The following PNCK variants were observed in gnomAD, a reference collection of about 807,000 sequenced individuals.
PNCK encodes pregnancy up-regulated nonubiquitous CaM kinase.
Under a neutral mutation model 28.3 loss-of-function variants are expected in PNCK, and 21 were observed. The observed-to-expected ratio is 0.74, with a 90% CI of 0.53 to 1.07. PNCK has a LOEUF of 1.07. PNCK is among the 50% of genes least tolerant of loss of function. PNCK has a pLI of 0.00. For synonymous variants in PNCK, 136 were observed against 125.2 expected (o/e 1.09, Z -0.58); for missense variants, 250 against 298.3 (o/e 0.84, Z 1.19).
chrX:153,677,626 ATAGT>A (rs1449452446), upstream of PNCK, among the ~76,000 whole-genome samples: 1 of 97,509 alleles, frequency 1.0e-5, no homozygotes, highest in African/African-American at 3.9e-5. Flanking sequence ...GTGTATATAT[ATAGT>A]GTGTATATAT....
chrX:153,671,404 A>G, intron 6 of PNCK, 44 bp from the exon 7 acceptor site: 5 of 1,211,874 alleles, frequency 4.1e-6, no homozygotes, highest in Non-Finnish European at 5.6e-6. Flanking sequence ...GCACACACGC[A>G]GCCATGCCGC....
At chrX:153,672,259 G>T in intron 3 of PNCK, 59 bp from the exon 4 acceptor site, 1 of 1,095,965 alleles carries the variant, frequency 9.1e-7, no homozygotes, top group Non-Finnish European at 1.2e-6. Context: ...CTGTCCTGAG[G>T]CCCTGGGGAA....
rs1347788796 is a variant in PNCK at position 153,670,568 on chromosome X, C to T, written c.921G>A (p.Leu307=). Residue 307 remains leucine, a synonymous_variant, in exon 11 of 12, where the codon CTG becomes CTA. Coordinates refer to ENST00000340888, the MANE Select transcript of PNCK (RefSeq NM_001366977.1). ...TCTGCCCCAGCTTCCGGATGTGGCG[C>T]AGGAACGAGGTGGCATTGAAGGCTC... ...WKRAFNATSF[L]RHIRKLGQIP... 8.3e-7 allele frequency: 1 copy of T among 1,209,992 alleles called. No individual in the cohort carries two copies. The highest frequency in any genetic ancestry group is 1.1e-6 in the Non-Finnish European group (1 of 895,170).
At chrX:153,684,057 T>C (rs1272365344) in intron 1 of PNCK, among the ~76,000 whole-genome samples, 1 of 112,466 alleles carries the variant, frequency 8.9e-6, no homozygotes, top group Non-Finnish European at 1.9e-5. Flanking sequence ...GGCCTTTCAT[T>C]ACTTTTACAA....
chrX:153,675,987 C>CTTTTTTTTTTTTTTTTTTTTTTTT (rs59527995), upstream of PNCK, among the ~76,000 whole-genome samples: 2 of 79,946 alleles, frequency 2.5e-5, no homozygotes, highest in Admixed American at 1.3e-4. Flanking sequence ...TTTTTCTTTT[C>CTTTTTTTTTTTTTTTTTTTTTTTT]TTTTTTTTTT....
In PNCK at chrX:153,670,938, TTGGCAGGTGAACCTCTTC is replaced by T; in HGVS notation, c.768_785del (p.Lys257_Gln262del). On this transcript the variant is annotated inframe_deletion, in exon 9 of 12. Coordinates refer to ENST00000340888, the MANE Select transcript of PNCK (RefSeq NM_001366977.1). The stretch of plus-strand genomic sequence containing the variant: ...CTCACCAAAGGTGCCGCAAGGCCTG[TTGGCAGGTGAACCTCTTC>T]TGGGGGTCTCGCTCCAGAAGGTGCC... 3 of 1,212,228 alleles carry T rather than the reference TTGGCAGGTGAACCTCTTC, an allele frequency of 2.5e-6. No homozygotes were observed. The highest frequency in any genetic ancestry group is 1.1e-6 in the Non-Finnish European group (1 of 895,544).
At chrX:153,677,673 AGT>A (rs1557041872), upstream of PNCK, among the ~76,000 whole-genome samples, 18 of 82,123 alleles carry the variant, frequency 2.2e-4, no homozygotes, top group African/African-American at 7.1e-4. Context: ...ATATATATAT[AGT>A]GTGTATATAT....
rs782654929 is a variant in PNCK at position 153,672,676 on chromosome X, C to T, written c.90G>A (p.Val30=). ...GTGCGGAGCCCCGCTCCTGGGCCAG[C>T]ACCACCTCGGAGAAGGCACCCCTGC... The part of the protein sequence containing the change: ...RLGSGAFSEV[V]LAQERGSAHL... Residue 30 remains valine, a synonymous_variant, in exon 3 of 12, where the codon GTG becomes GTA. Transcript: ENST00000340888. 4.2e-6 allele frequency: 5 copies of T among 1,201,315 alleles called. No homozygotes were observed. The South Asian group carries it at 7.1e-5, about 17-fold the overall frequency.
At chrX:153,683,232 C>A (rs2091403002) in intron 1 of PNCK, among the ~76,000 whole-genome samples, 1 of 111,831 alleles carries the variant, frequency 8.9e-6, no homozygotes, top group African/African-American at 3.3e-5. Flanking sequence ...GCTCCGCCTC[C>A]CAGGTTCAAG....
rs1342350201 is a variant in PNCK, at chrX:153,673,056, G to T, written c.21C>A (p.His7Gln). ...CGTAGACGCTGCTGATGTCCTCCGT[G>T]TGTTTCTTCAGCAGCAGCATGTCTG... MLLLKK[H>Q]TEDISSVYEI... Residue 7 changes from histidine to glutamine, a missense_variant, in exon 2 of 12, where the codon CAC (histidine) becomes CAA (glutamine). Transcript: ENST00000340888. 5.0e-6 allele frequency: 6 copies of T among 1,197,424 alleles called. No homozygotes were observed. The highest frequency in any genetic ancestry group is 6.8e-6 in the Non-Finnish European group (6 of 886,968).
At position 153,673,085 on chromosome X, in the gene PNCK, G is replaced by A; in HGVS notation, c.-2-7C>T. On this transcript the variant is annotated splice_polypyrimidine_tract_variant and splice_region_variant and intron_variant, in intron 1 of 11. Coordinates refer to ENST00000340888, the MANE Select transcript of PNCK (RefSeq NM_001366977.1). ...TTCTTCAGCAGCAGCATGTCTGCAG[G>A]GGCAGGGGAGAGGTGATGGGGGTCT... 3 of 1,189,102 alleles carry A rather than the reference G, an allele frequency of 2.5e-6. No homozygotes were observed. Among genetic ancestry groups the A allele is most frequent in the Non-Finnish European group, 2.3e-6 (2 of 880,881 alleles).
intron 3 of PNCK, 111 bp from the exon 4 acceptor site, chrX:153,672,311 T>G: frequency 2.2e-6 from 2 of 906,221 alleles, no homozygotes; most frequent in South Asian, 5.1e-5. Flanking sequence ...TGCTCCCCAT[T>G]CCCTACCACA....
chrX:153,669,969 C>T lies in PNCK; in HGVS notation c.*169G>A. 1 of 325,972 alleles carries T rather than the reference C, an allele frequency of 3.1e-6. No individual in the cohort carries two copies. Among genetic ancestry groups the T allele is most frequent in the Admixed American group, 3.3e-5 (1 of 30,374 alleles). The allele number at this position is 325,972 out of a possible 1,213,427, so 26.9% of individuals were successfully genotyped here. On this transcript the variant is annotated 3_prime_UTR_variant, in exon 12 of 12. Transcript: ENST00000340888. ...CCCCAGGCAGGGCAGAGCCTGGGGA[C>T]AGACTTGGGGGTGCCCCATTCCAAC...
chrX:153,682,626 T>C lies in PNCK; in HGVS notation c.-3+4805A>G, dbSNP rs373733481. 1.3e-3 allele frequency among the ~76,000 whole-genome samples: 144 copies of C among 111,393 alleles called. 1 individual carries two copies. Among genetic ancestry groups the C allele is most frequent in the African/African-American group, 4.3e-3 (132 of 30,601 alleles). ...TGAAGATCCACAAAAGAAGTGAAAA[T>C]AGCCTTAACTGATGACATTCCACCA... On this transcript the variant is annotated intron_variant, in intron 1 of 3. Transcript: ENST00000419804.
chrX:153,675,154 G>C (rs2091358093), upstream of PNCK: 1 of 112,619 alleles, frequency 8.9e-6, no homozygotes, highest in East Asian at 2.8e-4. Flanking sequence ...ACAGCAGGAA[G>C]TGCAATTTGT....
At chrX:153,687,152 G>A (rs1415403262) in intron 1 of PNCK, 3 of 166,611 alleles carry the variant, frequency 1.8e-5, no homozygotes, top group Admixed American at 7.7e-5. Context: ...CTGGGGAGAG[G>A]AACACGGGGT....
chrX:153,670,320 C>G (rs1318224206), intron 11 of PNCK, 130 bp downstream of exon 11: 1 of 976,780 alleles, frequency 1.0e-6, no homozygotes, highest in African/African-American at 1.9e-5. Context: ...GCTCCTCCCT[C>G]TGCTCTCTGC....
At chrX:153,677,402 A>T (rs2091371153), upstream of PNCK, among the ~76,000 whole-genome samples, 1 of 109,958 alleles carries the variant, frequency 9.1e-6, no homozygotes, top group African/African-American at 3.3e-5. Context: ...CTAAGGAGCC[A>T]TTTTTGAGAG....
chrX:153,680,346 G>GA (rs1557042307), intron 1 of PNCK, among the ~76,000 whole-genome samples: 2 of 104,420 alleles, frequency 1.9e-5, no homozygotes, highest in Admixed American at 2.2e-4. Context: ...CTGGTTGTTT[G>GA]AAAGAGTCTA....
Sources: gnomAD v4.1 joint callset for allele counts (sites outside exome capture counted in the v4.1 genomes callset) on GRCh38, gnomAD v4.1.1 for gene constraint, MANE v1.5 for transcripts, NCBI Gene and HGNC (gene_info 2026-07-23, HGNC 2026-07-21) for gene names.